ZNF544: variants seen among roughly 807,000 people sequenced by gnomAD.
The protein encoded by ZNF544 is zinc finger protein AF020591.
In ZNF544, 10 loss-of-function variants were observed where a neutral mutation model predicts 13.5. The observed-to-expected ratio is 0.74, with a 90% CI of 0.46 to 1.25. The LOEUF is 1.25. Ranked by LOEUF, ZNF544 falls within the 50% of genes most tolerant of loss-of-function variation. The probability of loss-of-function intolerance (pLI) is 0.00; values close to 1 mark genes in which losing one functional copy is unlikely to be tolerated. For missense variants in ZNF544, 896 were observed against 845.6 expected, an observed-to-expected ratio of 1.06 and a Z score of -0.74; for synonymous variants, 323 against 300.5, an observed-to-expected ratio of 1.07 and a Z score of -0.77.
chr19:58,246,622 G>A, intron 5 of ZNF544, 89 bp from the exon 6 acceptor site: 5 of 1,516,156 alleles, frequency 3.3e-6, no homozygotes, highest in South Asian at 1.2e-5. Flanking sequence ...GAGTTTCCTC[G>A]GGACAGCACT....
chr19:58,245,259 A>C (rs1189328201), intron 4 of ZNF544, among the ~76,000 whole-genome samples: 1 of 148,152 alleles, frequency 6.7e-6, no homozygotes, highest in African/African-American at 2.5e-5. Flanking sequence ...CTTCTTGAAC[A>C]GTTCTTAAAC....
intron 6 of ZNF544, chr19:58,260,612 A>C (rs2051102827): frequency 2.4e-6 from 1 of 413,034 alleles, no homozygotes. Context: ...TCTGCCCTCT[A>C]TTTGGGGACT....
intron 6 of ZNF544, among the ~76,000 whole-genome samples, chr19:58,255,779 A>G (rs1281925751): frequency 6.6e-6 from 1 of 152,248 alleles, no homozygotes; most frequent in African/African-American, 2.4e-5. Context: ...GTTGCATCAC[A>G]GATAGGGATC....
intron 6 of ZNF544, chr19:58,258,491 G>GGT (rs2048124979): frequency 3.0e-5 from 3 of 99,318 alleles, no homozygotes; most frequent in African/African-American, 1.5e-4. Context: ...TGGGTGCGAG[G>GGT]GCACCAGGTG....
At chr19:58,252,927 C>G (rs147932349) in intron 6 of ZNF544, among the ~76,000 whole-genome samples, 140 of 152,324 alleles carry the variant, frequency 9.2e-4, no homozygotes, top group African/African-American at 3.3e-3. Flanking sequence ...TCAAGCAATT[C>G]TCCAGCCTCA....
rs113811818 is a variant in ZNF544, at chr19:58,258,412, TGAGGGTGCTGGTTGC to T, written c.245-2433_245-2419del. 3.2e-3 allele frequency: 194 copies of T among 60,146 alleles called. 1 individual carries two copies. Among genetic ancestry groups the T allele is most frequent in the African/African-American group, 0.01 (174 of 17,042 alleles). 3.7% of individuals were successfully genotyped at this position (60,146 alleles called of 1,614,324 possible). On this transcript the variant is annotated intron_variant, in intron 6 of 6. Coordinates refer to ENST00000687789, the MANE Select transcript of ZNF544 (RefSeq NM_014480.4). ...GCACTGGGTGTGAGGGCACCAGGTGTGAGGGTGCTGGTTGCGAGGGCACCAGGTGTGAGGGTGCTG... is the reference window on the plus strand; with the variant it reads ...GCACTGGGTGTGAGGGCACCAGGTGTGAGGGCACCAGGTGTGAGGGTGCTG...
At chr19:58,245,106 C>T in intron 4 of ZNF544, among the ~76,000 whole-genome samples, 1 of 151,920 alleles carries the variant, frequency 6.6e-6, no homozygotes, top group Non-Finnish European at 1.5e-5. Flanking sequence ...CGCCACCACA[C>T]CCAGCTAATT....
chr19:58,245,460 C>G (rs1055993441), intron 4 of ZNF544, among the ~76,000 whole-genome samples: 7 of 151,648 alleles, frequency 4.6e-5, no homozygotes, highest in Non-Finnish European at 1.0e-4. Flanking sequence ...TGCCACCATG[C>G]CTGGCTAATT....
chr19:58,246,688 G>C (rs1044154210), intron 5 of ZNF544, 23 bp from the exon 6 acceptor site: 2 of 1,613,276 alleles, frequency 1.2e-6, no homozygotes, highest in Non-Finnish European at 1.7e-6. Flanking sequence ...AGAGGGGCAA[G>C]TCCTTTTTCC....
At chr19:58,272,580 C>T (rs1474617730) in intron 5 of ZNF544, among the ~76,000 whole-genome samples, 1 of 150,950 alleles carries the variant, frequency 6.6e-6, no homozygotes, top group Non-Finnish European at 1.5e-5. Flanking sequence ...TAAAAATAAT[C>T]CCTTGGATTT....
intron 3 of ZNF544, among the ~76,000 whole-genome samples, chr19:58,239,707 T>C (rs1205079012): frequency 2.6e-5 from 4 of 152,216 alleles, no homozygotes; most frequent in Non-Finnish European, 5.9e-5. Context: ...GAGCCCAGCC[T>C]GGCCAACATG....
chr19:58,246,795 G>C lies in ZNF544; in HGVS notation c.244+1G>C. ...AGGGCAGAGCAGGAGGCCCCCCGAG[G>C]TAAGAGCAGACCTTGTGGTGAGCAG... On this transcript the variant is annotated splice_donor_variant, in intron 6 of 6. Coordinates refer to ENST00000687789, the MANE Select transcript of ZNF544 (RefSeq NM_014480.4). LOFTEE classifies it high-confidence loss of function. 6.2e-7 allele frequency: 1 copy of C among 1,613,918 alleles called. No homozygotes were observed. Among genetic ancestry groups the C allele is most frequent in the Non-Finnish European group, 8.5e-7 (1 of 1,179,832 alleles).
chr19:58,262,250 T>C lies in ZNF544; in HGVS notation c.1644T>C (p.Tyr548=). ...GAATTCACACTGGAGAAAAACCGTATCAGTGTATTGAATGTGGGAAATCCT... is the reference window on the plus strand; with the variant it reads ...GAATTCACACTGGAGAAAAACCGTACCAGTGTATTGAATGTGGGAAATCCT... ...HQRIHTGEKP[Y]QCIECGKSFR... Residue 548 remains tyrosine, a synonymous_variant, in exon 7 of 7, where the codon TAT becomes TAC. Coordinates refer to ENST00000687789, the MANE Select transcript of ZNF544 (RefSeq NM_014480.4). 6.2e-7 allele frequency: 1 copy of C among 1,613,902 alleles called. No individual in the cohort carries two copies. The highest frequency in any genetic ancestry group is 8.5e-7 in the Non-Finnish European group (1 of 1,179,984).
Position 58,249,223 on chromosome 19 carries a change from G to A in ZNF544, c.244+2429G>A, listed in dbSNP as rs185342892. Among the ~76,000 whole-genome samples, 169 of 152,132 alleles carry A rather than the reference G, an allele frequency of 1.1e-3. 1 individual carries two copies. The highest frequency in any genetic ancestry group is 3.7e-3 in the Admixed American group (57 of 15,286). On this transcript the variant is annotated intron_variant, in intron 6 of 6. Coordinates refer to ENST00000687789, the MANE Select transcript of ZNF544 (RefSeq NM_014480.4). ...CTGTTCTCATACCTCATTTCCCCCCGAAAGACATGATCCTCATAAATCTTT... is the reference window on the plus strand; with the variant it reads ...CTGTTCTCATACCTCATTTCCCCCCAAAAGACATGATCCTCATAAATCTTT...
At chr19:58,244,857 G>A (rs576944364) in intron 4 of ZNF544, among the ~76,000 whole-genome samples, 5 of 151,634 alleles carry the variant, frequency 3.3e-5, no homozygotes, top group East Asian at 3.9e-4. Context: ...AATCACAGGC[G>A]TGAGCCACCA....
intron 6 of ZNF544, among the ~76,000 whole-genome samples, chr19:58,253,412 T>G (rs2046634907): frequency 6.6e-6 from 1 of 152,198 alleles, no homozygotes; most frequent in African/African-American, 2.4e-5. Flanking sequence ...CTCAGAAGAT[T>G]CAGCTAACAA....
rs2051286386 is a variant in ZNF544, at chr19:58,277,230, TGAGAGAGTGTGG to T, written c.400_411del (p.Glu134_Trp137del). 4.2e-5 allele frequency: 31 copies of T among 731,930 alleles called. No individual in the cohort carries two copies. The East Asian group carries it at 4.0e-3, about 95-fold the overall frequency. 45.3% of individuals were successfully genotyped at this position (731,930 alleles called of 1,614,324 possible). On this transcript the variant is annotated inframe_deletion, in exon 7 of 7. Transcript: ENST00000595981. ...GAGACGGTACAGGGCCAGAAGGATC[TGAGAGAGTGTGG>T]CCAGCTTGAGCCCTCAGGAGTCGGC...
downstream of ZNF544, among the ~76,000 whole-genome samples, chr19:58,266,163 G>A (rs1352734719): frequency 7.2e-6 from 1 of 139,666 alleles, no homozygotes; most frequent in South Asian, 2.3e-4. Context: ...CCGAGACTGC[G>A]CCGTTGAACT....
chr19:58,236,060 C>CAA lies in ZNF544; in HGVS notation c.-60+5607_-60+5608dup, dbSNP rs973556335. Among the ~76,000 whole-genome samples, 35 of 130,762 alleles carry CAA rather than the reference C, an allele frequency of 2.7e-4. 1 individual carries two copies. The East Asian group carries it at 6.2e-3, about 23-fold the overall frequency. 85.8% of individuals were successfully genotyped at this position (130,762 alleles called of 152,430 possible). ...GGGTAACAAGAGTGAAACTCTGTCT[C>CAA]AAAAAAAAAACAAAAAAACAACTTC... On this transcript the variant is annotated intron_variant, in intron 3 of 6. Coordinates refer to ENST00000687789, the MANE Select transcript of ZNF544 (RefSeq NM_014480.4).
Sources: gnomAD v4.1 joint callset for allele counts (sites outside exome capture counted in the v4.1 genomes callset) on GRCh38, gnomAD v4.1.1 for gene constraint, MANE v1.5 for transcripts, NCBI Gene and HGNC (gene_info 2026-07-23, HGNC 2026-07-21) for gene names.